COG6: variants seen among roughly 807,000 people sequenced by gnomAD.
The protein encoded by COG6 is component of oligomeric golgi complex 6, also known as conserved oligomeric Golgi complex subunit 6.
Under a neutral mutation model 88.8 loss-of-function variants are expected in COG6, and 74 were observed. The observed-to-expected ratio is 0.83, with a 90% CI of 0.69 to 1.01. The LOEUF is 1.01. COG6 is among the 50% of genes least tolerant of loss of function. The probability of loss-of-function intolerance (pLI) is 0.00; values close to 1 mark genes in which losing one functional copy is unlikely to be tolerated. For synonymous variants in COG6, 286 were observed against 278.7 expected (o/e 1.03, Z -0.26); for missense variants, 800 against 797.9 (o/e 1.00, Z -0.03).
intron 18 of COG6, among the ~76,000 whole-genome samples, chr13:39,744,999 C>A (rs549441365): frequency 5.8e-4 from 89 of 152,156 alleles, no homozygotes; most frequent in African/African-American, 2.1e-3. Context: ...GTAAGGATTC[C>A]CTATTTAATA....
chr13:39,765,694 AT>A (rs1881144079), intron 18 of COG6, among the ~76,000 whole-genome samples: 1 of 152,166 alleles, frequency 6.6e-6, no homozygotes, highest in African/African-American at 2.4e-5. Flanking sequence ...CTGGGTAGAC[AT>A]CCTGCTTTAA....
rs200410517 is a variant in COG6 at position 39,719,702 on chromosome 13, G to C, written c.1459G>C (p.Val487Leu). The C allele has an allele frequency of 2.4e-5, 38 of 1,612,710 alleles. No homozygotes were observed. Among genetic ancestry groups the C allele is most frequent in the Non-Finnish European group, 3.1e-5 (37 of 1,179,184 alleles). The change falls in exon 15 of 19, where the codon GTA becomes CTA. Residue 487 changes from valine to leucine, a missense_variant. By Grantham distance (32) the Val-to-Leu change is conservative. Coordinates refer to ENST00000455146, the MANE Select transcript of COG6 (RefSeq NM_020751.3). ...GGATCCTCTCCTACAGATGTGTACT[G>C]TATCAGCCAGCAATTTAGGCACAGC... ...VLDPLLQMCT[V>L]SASNLGTADM...
Position 39,655,836 on chromosome 13 carries a change from G to A in COG6, c.110G>A (p.Arg37His), listed in dbSNP as rs754939680. The change falls in exon 1 of 19, where the codon CGC (arginine) becomes CAC (histidine). Residue 37 changes from arginine (R) to histidine (H), a missense_variant. Arg to His is a conservative substitution (Grantham distance 29, BLOSUM62 0). Coordinates refer to ENST00000455146, the MANE Select transcript of COG6 (RefSeq NM_020751.3). ...GCGACGACCTGCAACCCGCTGTCGC[G>A]CAAGCTGCATAAGATCCTGGAGACG... The part of the protein sequence containing the change: ...TSATTCNPLS[R>H]KLHKILETRL... 1.2e-6 allele frequency: 2 copies of A among 1,604,240 alleles called. No homozygotes were observed. The highest frequency in any genetic ancestry group is 1.7e-6 in the Non-Finnish European group (2 of 1,176,304).
downstream of COG6, chr13:39,752,651 C>T (rs1023396809): frequency 3.2e-5 from 40 of 1,255,506 alleles, no homozygotes; most frequent in African/African-American, 6.2e-4. Flanking sequence ...ATTATTGCAG[C>T]TGTCCTGTAG....
In COG6 at chr13:39,655,795, G is replaced by C. The variant is rs372786424; in HGVS notation, c.69G>C (p.Gly23=). The C allele has an allele frequency of 6.3e-7, 1 of 1,598,490 alleles. No homozygotes were observed. The highest frequency in any genetic ancestry group is 8.5e-7 in the Non-Finnish European group (1 of 1,173,090). The change falls in exon 1 of 19, where the codon GGG becomes GGC. Residue 23 remains glycine (G), a synonymous_variant. Coordinates refer to ENST00000455146, the MANE Select transcript of COG6 (RefSeq NM_020751.3). ...GGGCTGCCAACGGCCTCAACAATGG[G>C]GCAGGCGGGACCTCGGCGACGACCT... ...ATGAANGLNN[G]AGGTSATTCN...
rs1056932989 is a variant in COG6, at chr13:39,677,390, G to A, written c.429-78G>A. The stretch of plus-strand genomic sequence containing the variant: ...TACCTTTGTTTTAAAAATTTATTAT[G>A]TCTGAGATAGAATTTGTTTTAAAGC... On this transcript the variant is annotated intron_variant, in intron 4 of 18. Coordinates refer to ENST00000455146, the MANE Select transcript of COG6 (RefSeq NM_020751.3). The A allele has an allele frequency of 4.6e-5, 38 of 820,386 alleles. 1 individual carries two copies. In the South Asian group the frequency reaches 5.4e-4, roughly 12 times the overall value. The allele number at this position is 820,386 out of a possible 1,614,324, so 50.8% of individuals were successfully genotyped here. A position where few individuals can be genotyped will look rare whatever the true frequency, so the allele number is the denominator to read the frequency against.
intron 11 of COG6, among the ~76,000 whole-genome samples, chr13:39,691,128 G>A (rs534740818): frequency 2.0e-3 from 302 of 151,484 alleles, no homozygotes; most frequent in African/African-American, 7.0e-3. Context: ...TACATAGTAG[G>A]TGTATGCTTT....
At chr13:39,672,939 A>G (rs1875738628) in intron 4 of COG6, among the ~76,000 whole-genome samples, 2 of 152,024 alleles carry the variant, frequency 1.3e-5, no homozygotes, top group Admixed American at 6.6e-5. Context: ...ACTGGGTGTG[A>G]AGTACTACTC....
chr13:39,727,503 A>G lies in COG6; in HGVS notation c.1781A>G (p.Asn594Ser), dbSNP rs747843176. ...GATCGTTATCTGTCAGCCCCAGACA[A>G]CCTATTGATACCACAGCTGAACTTT... The part of the protein sequence containing the change: ...QFDRYLSAPD[N>S]LLIPQLNFLL... Residue 594 changes from asparagine (N) to serine (S), a missense_variant, in exon 18 of 19, where the codon AAC becomes AGC. Coordinates refer to ENST00000455146, the MANE Select transcript of COG6 (RefSeq NM_020751.3). The G allele has an allele frequency of 6.2e-6, 10 of 1,613,482 alleles. 1 individual carries two copies. The South Asian group carries it at 1.1e-4, about 18-fold the overall frequency.
chr13:39,767,460 C>T lies in COG6; in HGVS notation c.1827-20875C>T, dbSNP rs906007633. On this transcript the variant is annotated intron_variant, in intron 18 of 18. Coordinates refer to the COG6 transcript ENST00000416691. ...AGGAGGTGAGTAGGTGACATTTTTCCCCCTTCAGGAGTTCTTACTGGGGGC... is the reference window on the plus strand; with the variant it reads ...AGGAGGTGAGTAGGTGACATTTTTCTCCCTTCAGGAGTTCTTACTGGGGGC... Among the ~76,000 whole-genome samples the T allele has an allele frequency of 5.5e-4, 84 of 151,992 alleles. 1 individual carries two copies. Among genetic ancestry groups the T allele is most frequent in the African/African-American group, 2.0e-3 (81 of 41,360 alleles).
In COG6 at chr13:39,781,441, GTT is replaced by G. The variant is rs34052593; in HGVS notation, c.1827-6879_1827-6878del. 2.5e-3 allele frequency among the ~76,000 whole-genome samples: 350 copies of G among 142,128 alleles called. 1 individual carries two copies. Among genetic ancestry groups the G allele is most frequent in the Middle Eastern group, 3.6e-3 (1 of 280 alleles). 93.2% of individuals were successfully genotyped at this position (142,128 alleles called of 152,430 possible). On this transcript the variant is annotated intron_variant, in intron 18 of 18. Coordinates refer to the COG6 transcript ENST00000416691. Reference sequence around the variant, plus strand: ...AAAAAAGTAGGAGCAAATGCGGAGGGTTTTTTTTTTTTTTTTAGTATGAGAAA... The same window carrying G: ...AAAAAAGTAGGAGCAAATGCGGAGGGTTTTTTTTTTTTTTAGTATGAGAAA...
chr13:39,751,270 G>T lies in COG6; in HGVS notation c.*177G>T. On this transcript the variant is annotated 3_prime_UTR_variant, in exon 19 of 19. Coordinates refer to ENST00000455146, the MANE Select transcript of COG6 (RefSeq NM_020751.3). ...TCAGTAACAGGGAAGTAAGTAACAT[G>T]TTGACCTGAGCTAGTATTGCTGTGT... 6.6e-7 allele frequency: 1 copy of T among 1,510,434 alleles called. No homozygotes were observed. Among genetic ancestry groups the T allele is most frequent in the Non-Finnish European group, 8.8e-7 (1 of 1,132,696 alleles). The allele number at this position is 1,510,434 out of a possible 1,614,324, so 93.6% of individuals were successfully genotyped here.
intron 18 of COG6, among the ~76,000 whole-genome samples, chr13:39,771,709 T>A (rs575459839): frequency 1.3e-5 from 2 of 152,258 alleles, no homozygotes; most frequent in African/African-American, 4.8e-5. Context: ...CTGAAAGTAA[T>A]GACTTGAAAG....
intron 18 of COG6, among the ~76,000 whole-genome samples, chr13:39,738,432 A>G: frequency 6.6e-6 from 1 of 152,220 alleles, no homozygotes. Flanking sequence ...ATACCAATAG[A>G]TAAGAACAAA....
intron 16 of COG6, among the ~76,000 whole-genome samples, chr13:39,723,849 A>G (rs1878984226): frequency 6.6e-6 from 1 of 152,094 alleles, no homozygotes; most frequent in Non-Finnish European, 1.5e-5. Flanking sequence ...AGATTACTGT[A>G]TAAATAGCAG....
At chr13:39,668,102 TACGATTCATGTATCCA>T (rs1185443307) in intron 4 of COG6, among the ~76,000 whole-genome samples, 1 of 151,894 alleles carries the variant, frequency 6.6e-6, no homozygotes, top group African/African-American at 2.4e-5. Flanking sequence ...TCTTTTACAT[TACGATTCATGTATCCA>T]CACCTTATCA....
At chr13:39,662,416 C>T (rs1019002573) in intron 3 of COG6, among the ~76,000 whole-genome samples, 11 of 152,116 alleles carry the variant, frequency 7.2e-5, no homozygotes, top group Non-Finnish European at 1.6e-4. Context: ...CATGAGCCAC[C>T]ATGCCCGGCC....
At chr13:39,699,033 C>G (rs1204495671) in intron 12 of COG6, among the ~76,000 whole-genome samples, 1 of 151,690 alleles carries the variant, frequency 6.6e-6, no homozygotes, top group Non-Finnish European at 1.5e-5. Flanking sequence ...AATTGAGAAA[C>G]TGATTTATAG....
chr13:39,736,057 G>A (rs530641619), intron 18 of COG6, among the ~76,000 whole-genome samples: 2 of 151,896 alleles, frequency 1.3e-5, no homozygotes, highest in Non-Finnish European at 2.9e-5. Flanking sequence ...CTCTAGGTTC[G>A]GAAAGTTCTC....
Sources: allele counts gnomAD v4.1 joint callset (sites outside exome capture counted in the v4.1 genomes callset), GRCh38; gene constraint gnomAD v4.1.1; transcripts MANE v1.5; gene names NCBI Gene and HGNC (gene_info 2026-07-23, HGNC 2026-07-21).